Variants in MEGF11 observed in about 807,000 individuals in gnomAD.
MEGF11 encodes multiple epidermal growth factor-like domains protein 11.
MEGF11 carries 126 observed loss-of-function variants against 146.6 expected under a neutral mutation model. The observed-to-expected ratio is 0.86, with a 90% CI of 0.74 to 1.00. The LOEUF is 1.00. Ranked by LOEUF, MEGF11 falls within the 50% of genes least tolerant of loss-of-function variation. The pLI is 0.00. For synonymous variants in MEGF11, 532 were observed against 583.4 expected (o/e 0.91, Z 1.27); for missense variants, 1,509 against 1,521.2 (o/e 0.99, Z 0.13).
chr15:66,059,737 C>T (rs1356585661), intron 5 of MEGF11, among the ~76,000 whole-genome samples: 2 of 152,140 alleles, frequency 1.3e-5, no homozygotes, highest in East Asian at 1.9e-4. Context: ...AGGACCAGAA[C>T]GTCCCAGAAC....
intron 5 of MEGF11, among the ~76,000 whole-genome samples, chr15:66,054,642 A>G (rs2084606324): frequency 6.6e-6 from 1 of 152,248 alleles, no homozygotes; most frequent in South Asian, 2.1e-4. Flanking sequence ...CTTGGGCTGC[A>G]GAGGTATTCT....
chr15:66,064,847 A>G (rs1332541816), intron 5 of MEGF11, among the ~76,000 whole-genome samples: 1 of 152,006 alleles, frequency 6.6e-6, no homozygotes, highest in African/African-American at 2.4e-5. Context: ...TGATTTTTAT[A>G]TGGTTTTTTA....
chr15:65,965,007 C>A lies in MEGF11; in HGVS notation c.1013G>T (p.Gly338Val), dbSNP rs1438274208. 2 of 1,571,546 alleles carry A rather than the reference C, an allele frequency of 1.3e-6. No individual in the cohort carries two copies. The highest frequency in any genetic ancestry group is 1.8e-5 in the Admixed American group (1 of 54,318). The change falls in exon 9 of 26, where the codon GGC (glycine) becomes GTC (valine). Residue 338 changes from glycine (G) to valine (V), a missense_variant. Transcript: ENST00000395614. ...PTTGACECEP[G>V]YKGPRCQERL... ...CTCCTGGCAGCGTGGGCCCTTGTAG[C>A]CAGGCTCACACTCGCAGGCACCCGT...
At chr15:66,202,578 C>T (rs555793337) in intron 1 of MEGF11, among the ~76,000 whole-genome samples, 101 of 152,344 alleles carry the variant, frequency 6.6e-4, no homozygotes, top group Non-Finnish European at 1.1e-3. Context: ...TCTGGCCTCC[C>T]CAACATCCTG....
At chr15:66,135,445 A>G (rs1336416505) in intron 1 of MEGF11, among the ~76,000 whole-genome samples, 1 of 152,182 alleles carries the variant, frequency 6.6e-6, no homozygotes, top group African/African-American at 2.4e-5. Context: ...CCCTGCCCCA[A>G]GCCCCTGAAC....
chr15:66,243,119 C>T (rs555026778), intron 1 of MEGF11, among the ~76,000 whole-genome samples: 61 of 152,362 alleles, frequency 4.0e-4, no homozygotes, highest in African/African-American at 1.5e-3. Flanking sequence ...CTGCCATTAA[C>T]TCACCGTGGC....
At chr15:66,011,445 G>A (rs2082709095) in intron 5 of MEGF11, among the ~76,000 whole-genome samples, 1 of 152,170 alleles carries the variant, frequency 6.6e-6, no homozygotes, top group South Asian at 2.1e-4. Context: ...GCGGAAAGCT[G>A]TGTGTGGCCA....
chr15:66,071,813 T>C (rs2085379816), intron 5 of MEGF11, among the ~76,000 whole-genome samples: 1 of 152,220 alleles, frequency 6.6e-6, no homozygotes, highest in African/African-American at 2.4e-5. Context: ...CTGCCCATAG[T>C]TCTTTTGCTG....
chr15:66,052,036 A>T (rs1053707584), intron 5 of MEGF11, among the ~76,000 whole-genome samples: 1 of 152,186 alleles, frequency 6.6e-6, no homozygotes, highest in African/African-American at 2.4e-5. Flanking sequence ...TGGAGAATTT[A>T]TCTCATACAT....
intron 4 of MEGF11, among the ~76,000 whole-genome samples, chr15:66,101,024 T>G (rs2086783464): frequency 7.8e-6 from 1 of 127,882 alleles, no homozygotes; most frequent in Non-Finnish European, 1.7e-5. Context: ...GGTGGGTGGG[T>G]GAGCGGGTGA....
chr15:66,080,057 C>T (rs1377127463), intron 5 of MEGF11, among the ~76,000 whole-genome samples: 1 of 152,220 alleles, frequency 6.6e-6, no homozygotes, highest in African/African-American at 2.4e-5. Flanking sequence ...GAGAAGGAGA[C>T]AGAGGCTGGG....
chr15:66,066,492 C>T (rs1258430712), intron 5 of MEGF11, among the ~76,000 whole-genome samples: 1 of 152,232 alleles, frequency 6.6e-6, no homozygotes, highest in African/African-American at 2.4e-5. Flanking sequence ...GCATGTTGTG[C>T]AAAACCTGGA....
At position 65,982,259 on chromosome 15, in the gene MEGF11, A is replaced by G; in HGVS notation, c.624T>C (p.Pro208=). ...TGACTCACTAGACGCCGGTGTAGCCAGGTGCGCAGAGGCACTCGCCGGCGC... is the reference window on the plus strand; with the variant it reads ...TGACTCACTAGACGCCGGTGTAGCCGGGTGCGCAGAGGCACTCGCCGGCGC... The part of the protein sequence containing the change: ...DPRAGECLCA[P]GYTGVYCEEL... The change falls in exon 6 of 26, where the codon CCT becomes CCC. Residue 208 remains proline (P), a synonymous_variant. Coordinates refer to ENST00000395614, the MANE Select transcript of MEGF11 (RefSeq NM_001385028.1). The surrounding 1 kb of genome is among the most constrained non-coding windows in gnomAD (Gnocchi z 5.6). 7.0e-7 allele frequency: 1 copy of G among 1,428,250 alleles called. No homozygotes were observed. The highest frequency in any genetic ancestry group is 9.3e-7 in the Non-Finnish European group (1 of 1,076,530). The allele number at this position is 1,428,250 out of a possible 1,614,324, so 88.5% of individuals were successfully genotyped here.
chr15:65,966,350 GTTTAATTGCCAGTGTT>G (rs1471390439), intron 8 of MEGF11, among the ~76,000 whole-genome samples: 1 of 152,188 alleles, frequency 6.6e-6, no homozygotes, highest in Non-Finnish European at 1.5e-5. Context: ...ACATGTCATA[GTTTAATTGCCAGTGTT>G]TTTCATTCTT....
intron 1 of MEGF11, among the ~76,000 whole-genome samples, chr15:66,136,699 A>G (rs1273129450): frequency 1.3e-5 from 2 of 152,254 alleles, no homozygotes; most frequent in Non-Finnish European, 2.9e-5. Flanking sequence ...GTCCAAAGAC[A>G]GGTTCAAGAA....
intron 10 of MEGF11, among the ~76,000 whole-genome samples, chr15:65,956,401 T>C (rs899249511): frequency 2.0e-5 from 3 of 152,232 alleles, no homozygotes; most frequent in African/African-American, 7.2e-5. Flanking sequence ...GAATGCACTC[T>C]ATATATCCCA....
In MEGF11 at chr15:65,965,054, A is replaced by G. The variant is rs776499434; in HGVS notation, c.966T>C (p.Asn322=). The change falls in exon 9 of 26, where the codon AAT becomes AAC. Residue 322 remains asparagine (N), a synonymous_variant. Transcript: ENST00000395614. ...CCGTGGTGGGTGAACACTGCCCCCC[A>G]TTGTGGCAGTCACAGTGCTGTGAGC... ...FQCSQHCDCH[N]GGQCSPTTGA... 21 of 1,593,868 alleles carry G rather than the reference A, an allele frequency of 1.3e-5. No individual in the cohort carries two copies. The highest frequency in any genetic ancestry group is 1.7e-4 in the Middle Eastern group (1 of 5,948).
chr15:65,988,684 G>A (rs913297178), intron 5 of MEGF11, among the ~76,000 whole-genome samples: 2 of 152,136 alleles, frequency 1.3e-5, no homozygotes, highest in African/African-American at 2.4e-5. Context: ...TAATGCGGCC[G>A]ACCATTACTT....
At chr15:66,079,543 C>CA (rs113749993) in intron 5 of MEGF11, among the ~76,000 whole-genome samples, 1 of 145,210 alleles carries the variant, frequency 6.9e-6, no homozygotes, top group African/African-American at 2.5e-5. Context: ...TCACACCCCC[C>CA]CCCCCAGCAC....
Sources: gnomAD v4.1 joint callset for allele counts (sites outside exome capture counted in the v4.1 genomes callset) on GRCh38, gnomAD v4.1.1 for gene constraint, Gnocchi (gnomAD v3.1) non-coding constraint, MANE v1.5 for transcripts, NCBI Gene and HGNC (gene_info 2026-07-23, HGNC 2026-07-21) for gene names.